The following TRHDE variants were observed in gnomAD, a reference collection of about 807,000 sequenced individuals.
The protein encoded by TRHDE is thyrotropin-releasing hormone-degrading ectoenzyme.
In TRHDE, 72 loss-of-function variants were observed where a neutral mutation model predicts 125.7. That is an observed-to-expected ratio of 0.57 (90% CI 0.47 to 0.70). The LOEUF is 0.70. TRHDE is among the 30% of genes least tolerant of loss of function. The pLI is 0.00. For synonymous variants in TRHDE, 509 were observed against 509.1 expected, an observed-to-expected ratio of 1.00 and a Z score of 0.00; for missense variants, 1,110 against 1,327.1, an observed-to-expected ratio of 0.84 and a Z score of 2.54.
intron 12 of TRHDE, 106 bp downstream of exon 12, chr12:72,575,648 T>C (rs1333851135): frequency 9.5e-7 from 1 of 1,054,360 alleles, no homozygotes; most frequent in Non-Finnish European, 1.4e-6. Context: ...TTTAAAAAAA[T>C]CTATTTCTAT....
chr12:72,527,960 T>C lies in TRHDE; in HGVS notation c.1723-14331T>C, dbSNP rs528208581. 3.9e-5 allele frequency among the ~76,000 whole-genome samples: 6 copies of C among 152,182 alleles called. No individual in the cohort carries two copies. In the South Asian group the frequency reaches 1.2e-3, roughly 31 times the overall value. On this transcript the variant is annotated intron_variant, in intron 6 of 18. Transcript: ENST00000261180. ...GCATAATAAATAACTTTTTAAAGGC[T>C]AACACTATGCTCAACTTTCAGACAA...
chr12:72,257,935 A>G (rs1356644588), intron 2 of TRHDE: 1 of 152,204 alleles, frequency 6.6e-6, no homozygotes, highest in Non-Finnish European at 1.5e-5. Context: ...TCTATTTAAT[A>G]AATTTTAAGA....
chr12:72,238,612 C>T (rs1376946689), intron 2 of TRHDE, among the ~76,000 whole-genome samples: 2 of 151,286 alleles, frequency 1.3e-5, no homozygotes, highest in Non-Finnish European at 2.9e-5. Context: ...TCTCCCTGTT[C>T]AACTCCCACT....
At position 72,502,183 on chromosome 12, in the gene TRHDE, CT is replaced by C. The variant is rs1458365657; in HGVS notation, c.1722+2553del. The stretch of plus-strand genomic sequence containing the variant: ...AGATATGCTCTCTAATCAATATTTC[CT>C]TTTTCTACCTACTTTGAATTTAAAT... On this transcript the variant is annotated intron_variant, in intron 6 of 18. Coordinates refer to ENST00000261180, the MANE Select transcript of TRHDE (RefSeq NM_013381.3). 3.3e-5 allele frequency among the ~76,000 whole-genome samples: 5 copies of C among 151,962 alleles called. No homozygotes were observed. The East Asian group carries it at 9.7e-4, about 29-fold the overall frequency.
At chr12:72,490,952 A>G (rs996785157) in intron 5 of TRHDE, among the ~76,000 whole-genome samples, 12 of 149,920 alleles carry the variant, frequency 8.0e-5, no homozygotes, top group African/African-American at 3.0e-4. Context: ...TCTGTGATTC[A>G]TGCTAAATGA....
intron 18 of TRHDE, among the ~76,000 whole-genome samples, chr12:72,658,192 T>C (rs1409461850): frequency 6.6e-6 from 1 of 152,174 alleles, no homozygotes; most frequent in African/African-American, 2.4e-5. Context: ...TATTTTACTA[T>C]TTTTTAAATA....
chr12:72,626,878 G>A (rs926008530), intron 15 of TRHDE, among the ~76,000 whole-genome samples: 14 of 151,962 alleles, frequency 9.2e-5, no homozygotes, highest in African/African-American at 3.4e-4. Flanking sequence ...ACATAGATCC[G>A]AACTTACTGT....
intron 2 of TRHDE, among the ~76,000 whole-genome samples, chr12:72,244,932 C>G (rs966683600): frequency 1.3e-5 from 2 of 152,004 alleles, no homozygotes; most frequent in Non-Finnish European, 2.9e-5. Flanking sequence ...AATTTACATC[C>G]TTTGTAACCA....
intron 2 of TRHDE, among the ~76,000 whole-genome samples, chr12:72,237,107 G>A (rs2139377508): frequency 6.6e-6 from 1 of 152,238 alleles, no homozygotes; most frequent in Non-Finnish European, 1.5e-5. Flanking sequence ...AGCTGAAATA[G>A]CATAGTGAGA....
chr12:72,621,059 C>T (rs570396089), intron 13 of TRHDE, 49 bp from the exon 14 acceptor site: 26 of 927,976 alleles, frequency 2.8e-5, no homozygotes, highest in Non-Finnish European at 3.7e-5. Context: ...TGTCAGCATA[C>T]AGAAGTTTTA....
chr12:72,451,739 T>G (rs933953314), intron 3 of TRHDE, among the ~76,000 whole-genome samples: 3 of 152,212 alleles, frequency 2.0e-5, no homozygotes, highest in Non-Finnish European at 4.4e-5. Context: ...TTTATCAATA[T>G]TTTAACAATA....
chr12:72,605,944 A>AGAT (rs1214177517), intron 12 of TRHDE, among the ~76,000 whole-genome samples: 1 of 152,194 alleles, frequency 6.6e-6, no homozygotes, highest in Non-Finnish European at 1.5e-5. Flanking sequence ...TGGATACAAT[A>AGAT]GATAAATGTT....
intron 15 of TRHDE, among the ~76,000 whole-genome samples, chr12:72,627,501 C>G (rs578171728): frequency 6.6e-6 from 1 of 151,788 alleles, no homozygotes; most frequent in Admixed American, 6.6e-5. Flanking sequence ...CTGGCATTCA[C>G]AGTTATCATC....
rs139022677 is a variant in TRHDE, at chr12:72,220,617, C to T, written n.279+114865C>T. 2.0e-3 allele frequency among the ~76,000 whole-genome samples: 310 copies of T among 152,202 alleles called. 3 individuals carry two copies. The highest frequency in any genetic ancestry group is 0.017 in the East Asian group (90 of 5,178). ...TGTCTTCATAGGTTGGAATCTTACC[C>T]ATACTTCAAACTCTCACTCAAAGGT... is the stretch of plus-strand genomic sequence containing the variant. On this transcript the variant is annotated intron_variant and non_coding_transcript_variant, in intron 2 of 4. Transcript: ENST00000548156.
At chr12:72,433,809 G>A (rs1874609920) in intron 3 of TRHDE, among the ~76,000 whole-genome samples, 1 of 151,964 alleles carries the variant, frequency 6.6e-6, no homozygotes, top group South Asian at 2.1e-4. Context: ...TTACAAGTGG[G>A]GAATGGATGT....
chr12:72,615,836 C>T (rs530458378), intron 12 of TRHDE, among the ~76,000 whole-genome samples: 6 of 152,240 alleles, frequency 3.9e-5, no homozygotes, highest in African/African-American at 9.6e-5. Context: ...GTCATGCAGT[C>T]ATCCAGGGAC....
intron 2 of TRHDE, among the ~76,000 whole-genome samples, chr12:72,292,766 A>T (rs757084506): frequency 2.0e-5 from 3 of 152,212 alleles, no homozygotes; most frequent in Non-Finnish European, 4.4e-5. Context: ...TCAATGCTAC[A>T]TATTTCAAGG....
chr12:72,400,590 A>G (rs1873000664), intron 3 of TRHDE, among the ~76,000 whole-genome samples: 1 of 152,160 alleles, frequency 6.6e-6, no homozygotes, highest in South Asian at 2.1e-4. Context: ...TGGCAGAAAT[A>G]CCTTTCAAGC....
intron 2 of TRHDE, among the ~76,000 whole-genome samples, chr12:72,376,826 C>A: frequency 6.7e-6 from 1 of 149,996 alleles, no homozygotes. Flanking sequence ...GTACAAATTT[C>A]TTTTTTTATT....
Sources: allele counts gnomAD v4.1 joint callset (sites outside exome capture counted in the v4.1 genomes callset), GRCh38; gene constraint gnomAD v4.1.1; transcripts MANE v1.5; gene names NCBI Gene and HGNC (gene_info 2026-07-23, HGNC 2026-07-21).